RUVBL1: variants seen among roughly 807,000 people sequenced by gnomAD.
The protein encoded by RUVBL1 is RuvB like AAA ATPase 1.
RUVBL1 carries 4 observed loss-of-function variants against 52.4 expected under a neutral mutation model. The observed-to-expected ratio is 0.08, with a 90% CI of 0.04 to 0.17. RUVBL1 has a LOEUF of 0.17. Ranked by LOEUF, RUVBL1 falls within the 10% of genes least tolerant of loss-of-function variation. The pLI, the probability that RUVBL1 is intolerant of heterozygous loss-of-function variation, is 1.00. For synonymous variants in RUVBL1, 217 were observed against 214.4 expected, an observed-to-expected ratio of 1.01 and a Z score of -0.10; for missense variants, 298 against 572.8, an observed-to-expected ratio of 0.52 and a Z score of 4.90.
exon 1 of RUVBL1, chr3:128,153,640 C>T (rs756976693): frequency 2.5e-6 from 4 of 1,598,058 alleles, no homozygotes; most frequent in East Asian, 2.3e-5. Flanking sequence ...GAGCCGCGAG[C>T]GCGGCATCAC....
downstream of RUVBL1, among the ~76,000 whole-genome samples, chr3:128,076,912 C>A (rs562525459): frequency 6.6e-6 from 1 of 152,190 alleles, no homozygotes; most frequent in Admixed American, 6.5e-5. The surrounding 1 kb of genome is among the most constrained non-coding windows in gnomAD (Gnocchi z 6.8). Context: ...CAGCTGCCGG[C>A]GTCCCCATTA....
intron 9 of RUVBL1, among the ~76,000 whole-genome samples, chr3:128,072,694 G>A (rs903291556): frequency 6.6e-6 from 1 of 152,328 alleles, no homozygotes; most frequent in East Asian, 1.9e-4. Context: ...GAGGCAGGCA[G>A]GGTGCTTGCC....
downstream of RUVBL1, among the ~76,000 whole-genome samples, chr3:128,078,016 C>T (rs984488780): frequency 2.6e-5 from 4 of 152,206 alleles, no homozygotes; most frequent in Admixed American, 1.3e-4. Context: ...AAGGGCCACA[C>T]AGAGGAGGAA....
At chr3:128,146,532 GTCTC>G (rs1337897613) in intron 1 of RUVBL1, among the ~76,000 whole-genome samples, 1 of 151,478 alleles carries the variant, frequency 6.6e-6, no homozygotes, top group Non-Finnish European at 1.5e-5. Context: ...GTGTGTGTGT[GTCTC>G]TGTGCGTGTG....
At chr3:128,153,471 G>A in exon 1 of RUVBL1, 1 of 1,460,834 alleles carries the variant, frequency 6.8e-7, no homozygotes, top group South Asian at 1.4e-5. Context: ...GGAGGTGAGG[G>A]GCGGGCCGGG....
At chr3:128,133,571 C>A (rs888057151) in intron 1 of RUVBL1, among the ~76,000 whole-genome samples, 7 of 152,170 alleles carry the variant, frequency 4.6e-5, no homozygotes, top group African/African-American at 1.7e-4. Flanking sequence ...TGGGAAAGTA[C>A]GGGAAGAGAA....
chr3:128,123,941 T>C (rs1943723347), upstream of RUVBL1: 3 of 1,233,738 alleles, frequency 2.4e-6, no homozygotes, highest in East Asian at 1.0e-4. Context: ...CACTTCCGTC[T>C]GTGTCTCCGG....
intron 2 of RUVBL1, among the ~76,000 whole-genome samples, chr3:128,118,614 C>G (rs1943577642): frequency 6.6e-6 from 1 of 152,164 alleles, no homozygotes; most frequent in Admixed American, 6.5e-5. Flanking sequence ...GGCCAGTCCC[C>G]TCACGAATCC....
chr3:128,067,685 C>T lies in RUVBL1; in HGVS notation c.940-2465G>A, dbSNP rs1265256380. On this transcript the variant is annotated intron_variant, in intron 9 of 9. Transcript: ENST00000464873. This position sits in a 1 kb window ranked among gnomAD's most constrained non-coding sequence, Gnocchi z 4.1. The stretch of plus-strand genomic sequence containing the variant: ...TATAAGGGGTGTGGACTTGTCACCT[C>T]ATCATAAATAATGGTCTGTGACGTG... The T allele has an allele frequency of 2.5e-6, 3 of 1,201,840 alleles. No homozygotes were observed. Among genetic ancestry groups the T allele is most frequent in the Non-Finnish European group, 3.6e-6 (3 of 841,494 alleles). 74.4% of individuals were successfully genotyped at this position (1,201,840 alleles called of 1,614,324 possible).
intron 1 of RUVBL1, among the ~76,000 whole-genome samples, chr3:128,121,822 A>G (rs1383135958): frequency 1.2e-4 from 18 of 152,196 alleles, no homozygotes. Context: ...GAGACTTTAC[A>G]AACCTTGGAG....
chr3:128,105,679 A>G (rs1943214130), intron 3 of RUVBL1, among the ~76,000 whole-genome samples: 1 of 152,094 alleles, frequency 6.6e-6, no homozygotes, highest in Non-Finnish European at 1.5e-5. Flanking sequence ...CTCTGACACT[A>G]TGAAACCTGA....
At chr3:128,084,152 GC>G (rs1384806528) in intron 9 of RUVBL1, 1 of 152,324 alleles carries the variant, frequency 6.6e-6, no homozygotes, top group Non-Finnish European at 1.5e-5. Flanking sequence ...CACAAACACT[GC>G]ATAGGCCACA....
At chr3:128,106,071 G>C (rs1943229046) in intron 3 of RUVBL1, among the ~76,000 whole-genome samples, 1 of 151,786 alleles carries the variant, frequency 6.6e-6, no homozygotes, top group Non-Finnish European at 1.5e-5. Flanking sequence ...AGTAGAGATA[G>C]GTTTCACCAT....
chr3:128,099,441 G>GT (rs1943064831), intron 6 of RUVBL1, among the ~76,000 whole-genome samples: 2 of 152,196 alleles, frequency 1.3e-5, no homozygotes, highest in African/African-American at 2.4e-5. Flanking sequence ...GACTATAAGA[G>GT]TAAGTATAAA....
intron 1 of RUVBL1, among the ~76,000 whole-genome samples, chr3:128,147,878 T>C (rs916222642): frequency 2.6e-5 from 4 of 152,192 alleles, no homozygotes; most frequent in Non-Finnish European, 5.9e-5. Flanking sequence ...AACCAAATGA[T>C]GATCCATCCA....
chr3:128,145,541 C>T lies in RUVBL1; in HGVS notation c.-40+7662G>A, dbSNP rs114022567. Among the ~76,000 whole-genome samples the T allele has an allele frequency of 5.3e-3, 811 of 152,264 alleles. 3 individuals carry two copies. Among genetic ancestry groups the T allele is most frequent in the African/African-American group, 0.019 (771 of 41,520 alleles). On this transcript the variant is annotated intron_variant, in intron 1 of 9. Coordinates refer to the RUVBL1 transcript ENST00000464873. The stretch of plus-strand genomic sequence containing the variant: ...GGCGTGCCAGCCCAAGGAAGTAGCC[C>T]GCGGGCGAGTGTTGGGGTGGGGTGG...
chr3:128,127,673 C>T (rs1279704085), upstream of RUVBL1, among the ~76,000 whole-genome samples: 1 of 152,192 alleles, frequency 6.6e-6, no homozygotes, highest in Non-Finnish European at 1.5e-5. Context: ...GGTCTCCAGC[C>T]TCAACTGGAG....
In RUVBL1 at chr3:128,081,270, G is replaced by C. The variant is rs750497962; in HGVS notation, c.1351C>G (p.Gln451Glu). 6.2e-7 allele frequency: 1 copy of C among 1,614,192 alleles called. No individual in the cohort carries two copies. The highest frequency in any genetic ancestry group is 8.5e-7 in the Non-Finnish European group (1 of 1,180,008). ...CCATCTCACTTCATGTACTTATCCT[G>C]CTGGTCAGCCAGGATTTTGGCGGAG... ...KSSAKILADQQDKYMK is the reference protein window; with the variant it reads ...KSSAKILADQEDKYMK The change falls in exon 11 of 11, where the codon CAG becomes GAG. Residue 451 changes from glutamine (Q) to glutamate (E), a missense_variant. Physicochemically the swap from Gln to Glu is conservative, Grantham distance 29. Coordinates refer to ENST00000322623, the MANE Select transcript of RUVBL1 (RefSeq NM_003707.3). This position sits in a 1 kb window ranked among gnomAD's most constrained non-coding sequence, Gnocchi z 4.8.
intron 9 of RUVBL1, chr3:128,083,600 G>A (rs911265300): frequency 3.3e-5 from 5 of 152,242 alleles, no homozygotes; most frequent in African/African-American, 1.2e-4. Context: ...CCACAGATGG[G>A]AAAGGCCTTG....
Sources: gnomAD v4.1 joint callset for allele counts (sites outside exome capture counted in the v4.1 genomes callset) on GRCh38, gnomAD v4.1.1 for gene constraint, Gnocchi (gnomAD v3.1) non-coding constraint, MANE v1.5 for transcripts, NCBI Gene and HGNC (gene_info 2026-07-23, HGNC 2026-07-21) for gene names.